CERS1: variants seen among roughly 807,000 people sequenced by gnomAD.
CERS1 encodes the protein ceramide synthase 1.
Under a neutral mutation model 35.7 loss-of-function variants are expected in CERS1, and 16 were observed. The observed-to-expected ratio is 0.45, with a 90% CI of 0.30 to 0.68. The LOEUF (loss-of-function observed/expected upper bound fraction) is 0.68. CERS1 is among the 30% of genes least tolerant of loss of function. The pLI is 0.08. For missense variants in CERS1, 454 were observed against 453.9 expected (o/e 1.00, Z 0.00); for synonymous variants, 243 against 201.6 (o/e 1.21, Z -1.74).
chr19:18,878,881 G>T lies in CERS1; in HGVS notation c.1010+49C>A. 2 of 1,599,698 alleles carry T rather than the reference G, an allele frequency of 1.3e-6. No homozygotes were observed. Among genetic ancestry groups the T allele is most frequent in the South Asian group, 1.1e-5 (1 of 89,476 alleles). ...GGCCTGCCCACGAACACGCTTGGAC[G>T]GGTGACACTAAAGGAGGGAACGCGG... On this transcript the variant is annotated intron_variant, in intron 6 of 7. Transcript: ENST00000623882. This position sits in a 1 kb window ranked among gnomAD's most constrained non-coding sequence, Gnocchi z 4.6.
In CERS1 at chr19:18,879,284, G is replaced by A. The variant is rs559340743; in HGVS notation, c.857C>T (p.Ala286Val). ...PDIPFYFFFN[A>V]LLLLLTLMNL... ...CATAAGGGTGAGCAGCAGCAGGAGCGCATTGAAGAAGAAGTAGAAGGGGAT... is the reference window on the plus strand; with the variant it reads ...CATAAGGGTGAGCAGCAGCAGGAGCACATTGAAGAAGAAGTAGAAGGGGAT... Residue 286 changes from alanine to valine, a missense_variant, in exon 5 of 8, where the codon GCG (alanine) becomes GTG (valine). Transcript: ENST00000623882. The A allele has an allele frequency of 3.2e-5, 52 of 1,613,364 alleles. No individual in the cohort carries two copies. In the Middle Eastern group the frequency reaches 5.0e-4, roughly 15 times the overall value.
intron 6 of CERS1, among the ~76,000 whole-genome samples, chr19:18,875,534 C>T (rs1044715928): frequency 6.7e-6 from 1 of 148,278 alleles, no homozygotes; most frequent in Non-Finnish European, 1.5e-5. Context: ...CAGAGCGAGA[C>T]ACTGTCTCAA....
In CERS1 at chr19:18,878,912, G is replaced by A. The variant is rs759989196; in HGVS notation, c.1010+18C>T. ...CACTAAAGGAGGGAACGCGGGGTGC[G>A]GGCCCCTCCACACTCACTCGGCTTT... On this transcript the variant is annotated intron_variant, in intron 6 of 7. Coordinates refer to ENST00000623882, the MANE Select transcript of CERS1 (RefSeq NM_021267.5). This position sits in a 1 kb window ranked among gnomAD's most constrained non-coding sequence, Gnocchi z 4.6. 42 of 1,612,272 alleles carry A rather than the reference G, an allele frequency of 2.6e-5. No homozygotes were observed. The East Asian group carries it at 3.1e-4, about 12-fold the overall frequency.
At chr19:18,896,759 G>C (rs577191604), upstream of CERS1, 4 of 152,490 alleles carry the variant, frequency 2.6e-5, no homozygotes, top group African/African-American at 9.6e-5. The surrounding 1 kb of genome is among the most constrained non-coding windows in gnomAD (Gnocchi z 5.9). Context: ...CCTACACCAG[G>C]AGCTTGGCAA....
chr19:18,883,944 C>G (rs2056280597), intron 3 of CERS1, 143 bp downstream of exon 3: 1 of 844,978 alleles, frequency 1.2e-6, no homozygotes, highest in Non-Finnish European at 1.8e-6. Context: ...CGTCGGACCC[C>G]TGAGCACTCT....
In CERS1 at chr19:18,895,767, C is replaced by A; in HGVS notation, c.249+57G>T. The A allele has an allele frequency of 9.9e-7, 1 of 1,010,650 alleles. No homozygotes were observed. Among genetic ancestry groups the A allele is most frequent in the South Asian group, 3.0e-5 (1 of 33,192 alleles). The allele number at this position is 1,010,650 out of a possible 1,614,324, so 62.6% of individuals were successfully genotyped here. Reference sequence around the variant, plus strand: ...GAACGCGCCGGCGGCCCCAGGTCCCCGGTCCCGGCTTCCCCCAGTCCGGGG... The same window carrying A: ...GAACGCGCCGGCGGCCCCAGGTCCCAGGTCCCGGCTTCCCCCAGTCCGGGG... On this transcript the variant is annotated intron_variant, in intron 1 of 7. Coordinates refer to ENST00000623882, the MANE Select transcript of CERS1 (RefSeq NM_021267.5). This position sits in a 1 kb window ranked among gnomAD's most constrained non-coding sequence, Gnocchi z 6.4.
At position 18,886,782 on chromosome 19, in the gene CERS1, C is replaced by T. The variant is rs144402417; in HGVS notation, c.410-2515G>A. 1.2e-3 allele frequency among the ~76,000 whole-genome samples: 190 copies of T among 152,282 alleles called. 5 individuals carry two copies. In the East Asian group the frequency reaches 0.035, roughly 28 times the overall value. On this transcript the variant is annotated intron_variant, in intron 2 of 7. Coordinates refer to ENST00000623882, the MANE Select transcript of CERS1 (RefSeq NM_021267.5). ...CCAGATGCCCCATGAACCGCCTCTG[C>T]GACAACTTTCATCTCGGCCTGGCCC...
intron 1 of CERS1, 70 bp from the exon 2 acceptor site, chr19:18,893,645 A>G: frequency 6.7e-7 from 1 of 1,483,182 alleles, no homozygotes; most frequent in Non-Finnish European, 9.1e-7. Context: ...GGGGTGGGGA[A>G]ACTGAGGCCC....
chr19:18,889,353 G>C (rs12974873), intron 2 of CERS1, among the ~76,000 whole-genome samples: 72,931 of 151,554 alleles, frequency 0.48, 18,186 homozygotes, highest in African/African-American at 0.61. Context: ...CCCCCCAACC[G>C]TCCTGTAGCT....
chr19:18,895,899 G>T lies in CERS1; in HGVS notation c.174C>A (p.Pro58=). Reference sequence around the variant, plus strand: ...CGCCGAGCGCCAGCAGCAGCAGCTCGGGCGGCGCCAGGTGCGCGTGCTCAG... The same window carrying T: ...CGCCGAGCGCCAGCAGCAGCAGCTCTGGCGGCGCCAGGTGCGCGTGCTCAG... ...GLAEHAHLAP[P]ELLLLALGAL... The change falls in exon 1 of 8, where the codon CCC becomes CCA. Residue 58 remains proline (P), a synonymous_variant. Transcript: ENST00000623882. The surrounding 1 kb of genome is among the most constrained non-coding windows in gnomAD (Gnocchi z 6.4). The T allele has an allele frequency of 7.9e-7, 1 of 1,261,572 alleles. No individual in the cohort carries two copies. Among genetic ancestry groups the T allele is most frequent in the South Asian group, 2.2e-5 (1 of 44,804 alleles). The allele number at this position is 1,261,572 out of a possible 1,614,324, so 78.1% of individuals were successfully genotyped here. A position where few individuals can be genotyped will look rare whatever the true frequency, so the allele number is the denominator to read the frequency against.
At chr19:18,884,002 C>G (rs1208249377) in intron 3 of CERS1, 85 bp downstream of exon 3, 182 of 1,422,114 alleles carry the variant, frequency 1.3e-4, no homozygotes, top group Non-Finnish European at 1.7e-4. Flanking sequence ...CCCTCCACGG[C>G]CTCCTCTGTG....
rs776613896 is a variant in CERS1, at chr19:18,870,086, G to T, written c.*491C>A. 1.9e-6 allele frequency: 3 copies of T among 1,578,322 alleles called. No individual in the cohort carries two copies. Among genetic ancestry groups the T allele is most frequent in the Non-Finnish European group, 2.6e-6 (3 of 1,166,874 alleles). Reference sequence around the variant, plus strand: ...GGGACGTCCGCCGCGAGCCAGACCTGGTCTCCTGGGGGTCCCGGCGTCGAA... The same window carrying T: ...GGGACGTCCGCCGCGAGCCAGACCTTGTCTCCTGGGGGTCCCGGCGTCGAA... On this transcript the variant is annotated 3_prime_UTR_variant, in exon 7 of 8. Transcript: ENST00000623882. The surrounding 1 kb of genome is among the most constrained non-coding windows in gnomAD (Gnocchi z 5.1).
In CERS1 at chr19:18,886,091, GCT is replaced by G. The variant is rs1568303120; in HGVS notation, c.410-1826_410-1825del. Among the ~76,000 whole-genome samples the G allele has an allele frequency of 4.9e-3, 747 of 151,990 alleles. 15 individuals carry two copies. The highest frequency in any genetic ancestry group is 0.018 in the African/African-American group (726 of 41,320). On this transcript the variant is annotated intron_variant, in intron 2 of 7. Coordinates refer to ENST00000623882, the MANE Select transcript of CERS1 (RefSeq NM_021267.5). ...CCTCTCCTCAGCCACATCCCCAGAG[GCT>G]GCCAGACACCAAATTCAAGGGCTAT...
In CERS1 at chr19:18,884,127, C is replaced by T. The variant is rs374308521; in HGVS notation, c.550G>A (p.Val184Met). The part of the protein sequence containing the change: ...KDSVVMLLHH[V>M]VTLILIVSSY... ...GAGACGATGAGGATGAGAGTGACCA[C>T]GTGGTGGAGCAGCATGACCACCGAG... Residue 184 changes from valine to methionine, a missense_variant, in exon 3 of 8, where the codon GTG becomes ATG. Coordinates refer to ENST00000623882, the MANE Select transcript of CERS1 (RefSeq NM_021267.5). The T allele has an allele frequency of 1.1e-4, 176 of 1,613,412 alleles. No individual in the cohort carries two copies. Among genetic ancestry groups the T allele is most frequent in the Middle Eastern group, 1.6e-4 (1 of 6,084 alleles).
chr19:18,874,309 ATTTTTAT>A (rs777430530), intron 6 of CERS1, among the ~76,000 whole-genome samples: 2 of 152,068 alleles, frequency 1.3e-5, no homozygotes, highest in Non-Finnish European at 2.9e-5. Context: ...ACAGTTTTCT[ATTTTTAT>A]TTTTTGAGAC....
intron 1 of CERS1, 108 bp from the exon 2 acceptor site, chr19:18,893,683 G>A: frequency 8.6e-7 from 1 of 1,162,876 alleles, no homozygotes; most frequent in Non-Finnish European, 1.2e-6. Flanking sequence ...GGCAGCACTG[G>A]GAAGGCCTGT....
chr19:18,894,105 G>T (rs1399835902), intron 1 of CERS1, among the ~76,000 whole-genome samples: 1 of 151,726 alleles, frequency 6.6e-6, no homozygotes, highest in Non-Finnish European at 1.5e-5. Flanking sequence ...GGGAACCTGG[G>T]GGCGATGAAA....
In CERS1 at chr19:18,868,850, C is replaced by A; in HGVS notation, c.*1135G>T. 3 of 1,447,726 alleles carry A rather than the reference C, an allele frequency of 2.1e-6. No homozygotes were observed. Among genetic ancestry groups the A allele is most frequent in the Non-Finnish European group, 2.7e-6 (3 of 1,092,420 alleles). 89.7% of individuals were successfully genotyped at this position (1,447,726 alleles called of 1,614,324 possible). A position where few individuals can be genotyped will look rare whatever the true frequency, so the allele number is the denominator to read the frequency against. ...CTGGCAGTAGTTGGCCAGGAAGCCG[C>A]GCGGCGCGATGACCCAGCGGTGCCA... On this transcript the variant is annotated 3_prime_UTR_variant, in exon 8 of 8. Transcript: ENST00000623882.
rs1188063501 is a variant in CERS1 at position 18,869,237 on chromosome 19, T to TCCGGGGCTG, written c.*739_*747dup. The TCCGGGGCTG allele has an allele frequency of 2.8e-6, 4 of 1,414,740 alleles. No homozygotes were observed. In the East Asian group the frequency reaches 1.2e-4, roughly 43 times the overall value. The allele number at this position is 1,414,740 out of a possible 1,614,324, so 87.6% of individuals were successfully genotyped here. On this transcript the variant is annotated 3_prime_UTR_variant, in exon 8 of 8. Coordinates refer to ENST00000623882, the MANE Select transcript of CERS1 (RefSeq NM_021267.5). ...CGCCACGCTCAGCTCCCAGCCGCCC[T>TCCGGGGCTG]CCGGGGCTGCCGCCGCCGCCGCCGC...
Sources: gnomAD v4.1 joint callset for allele counts (sites outside exome capture counted in the v4.1 genomes callset) on GRCh38, gnomAD v4.1.1 for gene constraint, Gnocchi (gnomAD v3.1) non-coding constraint, MANE v1.5 for transcripts, NCBI Gene and HGNC (gene_info 2026-07-23, HGNC 2026-07-21) for gene names.